The following KCTD16 variants were observed in gnomAD, a reference collection of about 807,000 sequenced individuals.
KCTD16 encodes potassium channel tetramerization domain containing 16.
KCTD16 carries 13 observed loss-of-function variants against 33.2 expected under a neutral mutation model. The observed-to-expected ratio is 0.39, with a 90% CI of 0.25 to 0.62. KCTD16 has a LOEUF of 0.62. Among genes scored for constraint, KCTD16 ranks in the 20% least tolerant of loss-of-function variants. KCTD16 has a pLI of 0.50. For synonymous variants in KCTD16, 197 were observed against 195.3 expected (o/e 1.01, Z -0.07); for missense variants, 441 against 525.1 (o/e 0.84, Z 1.57).
At chr5:144,312,930 C>T (rs1373786351) in intron 3 of KCTD16, among the ~76,000 whole-genome samples, 1 of 152,120 alleles carries the variant, frequency 6.6e-6, no homozygotes, top group East Asian at 1.9e-4. Flanking sequence ...TAAATAGTCT[C>T]TAAGGAAAGT....
chr5:144,201,606 G>A (rs867517505), intron 2 of KCTD16, among the ~76,000 whole-genome samples: 4 of 152,152 alleles, frequency 2.6e-5, no homozygotes, highest in African/African-American at 9.7e-5. Flanking sequence ...TTTAGTCCAC[G>A]CAACACACCT....
intron 3 of KCTD16, among the ~76,000 whole-genome samples, chr5:144,447,062 T>C (rs568901454): frequency 9.9e-5 from 15 of 152,268 alleles, no homozygotes; most frequent in Non-Finnish European, 1.5e-4. Flanking sequence ...ACTGAGTATA[T>C]ACCCAAAGGA....
At chr5:144,405,269 T>C (rs1229666498) in intron 3 of KCTD16, among the ~76,000 whole-genome samples, 2 of 152,224 alleles carry the variant, frequency 1.3e-5, no homozygotes, top group East Asian at 3.8e-4. Context: ...TAAATTCTAG[T>C]ATGAAAATTA....
rs1376317935 is a variant in KCTD16, at chr5:144,343,557, G to A, written c.833-130103G>A. On this transcript the variant is annotated intron_variant, in intron 3 of 3. Coordinates refer to ENST00000512467, the MANE Select transcript of KCTD16 (RefSeq NM_020768.4). ...TCCTGGATTCATTAATTTTTTGAAGGGTTTTTTGTGTCTCTATTTCCTTCA... is the reference window on the plus strand; with the variant it reads ...TCCTGGATTCATTAATTTTTTGAAGAGTTTTTTGTGTCTCTATTTCCTTCA... 3.3e-5 allele frequency among the ~76,000 whole-genome samples: 5 copies of A among 151,682 alleles called. No homozygotes were observed. In the East Asian group the frequency reaches 9.7e-4, roughly 29 times the overall value.
In KCTD16 at chr5:144,316,004, TA is replaced by T. The variant is rs1222786116; in HGVS notation, c.832+108462del. On this transcript the variant is annotated intron_variant, in intron 3 of 3. Transcript: ENST00000512467. ...TTCTTCAAAGCCTTTTTTTTTTTTT[TA>T]AAAGGTCAGCTTTATGGAGTTTTTC... 6.7e-3 allele frequency among the ~76,000 whole-genome samples: 1,021 copies of T among 151,660 alleles called. 10 individuals carry two copies. The highest frequency in any genetic ancestry group is 0.023 in the African/African-American group (955 of 41,192).
At chr5:144,418,032 G>GCAA (rs1293060391) in intron 3 of KCTD16, among the ~76,000 whole-genome samples, 2 of 152,120 alleles carry the variant, frequency 1.3e-5, no homozygotes, top group Non-Finnish European at 2.9e-5. Flanking sequence ...GCTGACTTCA[G>GCAA]GTGTGAAGCC....
At chr5:144,373,686 G>A (rs1752019761) in intron 3 of KCTD16, among the ~76,000 whole-genome samples, 1 of 152,140 alleles carries the variant, frequency 6.6e-6, no homozygotes, top group Non-Finnish European at 1.5e-5. Context: ...TTTAATAGAT[G>A]AGAGAAATCT....
At position 144,478,077 on chromosome 5, in the gene KCTD16, A is replaced by G. The variant is rs1754632292; in HGVS notation, c.*3963A>G. 6.6e-6 allele frequency: 1 copy of G among 151,896 alleles called. No homozygotes were observed. The highest frequency in any genetic ancestry group is 2.1e-4 in the South Asian group (1 of 4,824). 9.4% of individuals were successfully genotyped at this position (151,896 alleles called of 1,614,324 possible). On this transcript the variant is annotated 3_prime_UTR_variant, in exon 4 of 4. Coordinates refer to ENST00000512467, the MANE Select transcript of KCTD16 (RefSeq NM_020768.4). Reference sequence around the variant, plus strand: ...CCATTTCTCTCTTTAATGTCTTGGTATTGTTGGTGTCTTGCAATCTTGATG... The same window carrying G: ...CCATTTCTCTCTTTAATGTCTTGGTGTTGTTGGTGTCTTGCAATCTTGATG...
intron 3 of KCTD16, among the ~76,000 whole-genome samples, chr5:144,340,832 C>T (rs1395878487): frequency 1.3e-5 from 2 of 151,954 alleles, no homozygotes; most frequent in Admixed American, 1.3e-4. Flanking sequence ...GATGGATCAC[C>T]TGAGGTCAAG....
At chr5:144,471,913 A>G (rs544377810) in intron 3 of KCTD16, among the ~76,000 whole-genome samples, 4 of 152,216 alleles carry the variant, frequency 2.6e-5, no homozygotes, top group Non-Finnish European at 4.4e-5. Context: ...TGTGATTTAT[A>G]GAAACTTTTG....
chr5:144,330,411 CAAAAAAA>C (rs10577099), intron 3 of KCTD16, among the ~76,000 whole-genome samples: 13 of 87,402 alleles, frequency 1.5e-4, no homozygotes, highest in South Asian at 4.7e-4. Context: ...GAAACTCCAT[CAAAAAAA>C]AAAAAAAAAA....
intron 3 of KCTD16, among the ~76,000 whole-genome samples, chr5:144,291,760 C>G (rs1487170824): frequency 6.6e-6 from 1 of 152,162 alleles, no homozygotes; most frequent in East Asian, 1.9e-4. Flanking sequence ...AAAATTGCAT[C>G]TTTCTTGTTA....
intron 3 of KCTD16, among the ~76,000 whole-genome samples, chr5:144,322,041 G>C (rs1244212554): frequency 6.6e-6 from 1 of 152,142 alleles, no homozygotes; most frequent in Non-Finnish European, 1.5e-5. Flanking sequence ...GATGGAGAAA[G>C]TGTAGAAGCA....
chr5:144,445,244 T>C (rs1346388137), intron 3 of KCTD16, among the ~76,000 whole-genome samples: 1 of 152,032 alleles, frequency 6.6e-6, no homozygotes, highest in African/African-American at 2.4e-5. Context: ...ATTTCTTAAA[T>C]TATTTATCCT....
In KCTD16 at chr5:144,465,186, C is replaced by CA. The variant is rs1461985488; in HGVS notation, c.833-8474_833-8473insA. Among the ~76,000 whole-genome samples the CA allele has an allele frequency of 2.4e-4, 25 of 106,016 alleles. 2 individuals are homozygous for CA. In the East Asian group the frequency reaches 0.01, roughly 43 times the overall value. The allele number at this position is 106,016 out of a possible 152,430, so 69.6% of individuals were successfully genotyped here. ...TCACATACATAGTCTCTCTCTCCCC[C>CA]CCCTCTCTCTCTCACTCTCTCTCTC... On this transcript the variant is annotated intron_variant, in intron 3 of 3. Transcript: ENST00000512467.
intron 3 of KCTD16, among the ~76,000 whole-genome samples, chr5:144,254,571 A>G (rs998265508): frequency 6.6e-6 from 1 of 152,154 alleles, no homozygotes; most frequent in Non-Finnish European, 1.5e-5. Flanking sequence ...TTAAGTTTAC[A>G]TTGTTGTTGA....
At chr5:144,446,305 A>G (rs1209478334) in intron 3 of KCTD16, among the ~76,000 whole-genome samples, 1 of 152,088 alleles carries the variant, frequency 6.6e-6, no homozygotes, top group Non-Finnish European at 1.5e-5. Context: ...AGCAATGGGG[A>G]AAGGATTCCC....
At chr5:144,365,227 T>C (rs1024197519) in intron 3 of KCTD16, among the ~76,000 whole-genome samples, 4 of 152,166 alleles carry the variant, frequency 2.6e-5, no homozygotes, top group African/African-American at 9.6e-5. Context: ...CCCTTGGAGA[T>C]ATTCTGATTT....
intron 3 of KCTD16, among the ~76,000 whole-genome samples, chr5:144,442,126 T>C (rs1412889527): frequency 1.3e-5 from 2 of 152,178 alleles, no homozygotes; most frequent in Non-Finnish European, 2.9e-5. Context: ...AAAATACCCC[T>C]CTTCATTGCT....
Sources: gnomAD v4.1 joint callset for allele counts (sites outside exome capture counted in the v4.1 genomes callset) on GRCh38, gnomAD v4.1.1 for gene constraint, MANE v1.5 for transcripts, NCBI Gene and HGNC (gene_info 2026-07-23, HGNC 2026-07-21) for gene names.